Variants in EPM2A observed in about 807,000 individuals in gnomAD.
EPM2A encodes EPM2A glucan phosphatase, laforin.
A neutral mutation model predicts 26.5 loss-of-function variants in EPM2A; 21 were observed. The observed-to-expected ratio is 0.79, with a 90% CI of 0.56 to 1.14. EPM2A has a LOEUF of 1.14. Ranked by LOEUF, EPM2A falls within the 50% of genes most tolerant of loss-of-function variation. The probability of loss-of-function intolerance (pLI) is 0.00; values close to 1 mark genes in which losing one functional copy is unlikely to be tolerated. For missense variants in EPM2A, 458 were observed against 440.8 expected (o/e 1.04, Z -0.35); for synonymous variants, 217 against 177.6 (o/e 1.22, Z -1.76).
At chr6:145,502,626 C>T (rs902697650) in intron 2 of EPM2A, 3 of 469,970 alleles carry the variant, frequency 6.4e-6, no homozygotes, top group Non-Finnish European at 1.3e-5. Context: ...GGCACAGTGC[C>T]AGCCTTGCTC....
chr6:145,429,842 T>G (rs1368608074), intron 4 of EPM2A, among the ~76,000 whole-genome samples: 1 of 152,144 alleles, frequency 6.6e-6, no homozygotes, highest in Non-Finnish European at 1.5e-5. Flanking sequence ...CAGATGAAAA[T>G]CAAATTCCCT....
At chr6:145,623,257 T>C (rs1775675289), downstream of EPM2A, among the ~76,000 whole-genome samples, 1 of 152,216 alleles carries the variant, frequency 6.6e-6, no homozygotes. Context: ...GTAACTTATG[T>C]AATATGTAGG....
chr6:145,401,111 C>T (rs1296626157), intron 4 of EPM2A, among the ~76,000 whole-genome samples: 1 of 151,860 alleles, frequency 6.6e-6, no homozygotes, highest in East Asian at 1.9e-4. Flanking sequence ...AATATATTTC[C>T]ATTATCATTA....
chr6:145,456,654 G>A (rs1442766045), intron 4 of EPM2A, among the ~76,000 whole-genome samples: 1 of 151,850 alleles, frequency 6.6e-6, no homozygotes, highest in Non-Finnish European at 1.5e-5. Flanking sequence ...ACTAAACAGA[G>A]GAAAAAATTA....
intron 4 of EPM2A, among the ~76,000 whole-genome samples, chr6:145,395,100 T>C (rs1778387399): frequency 3.5e-5 from 2 of 57,058 alleles, no homozygotes; most frequent in African/African-American, 1.1e-4. Flanking sequence ...ACAACCCTTC[T>C]CACCTTTAAG....
chr6:145,637,118 T>C (rs1383426925), intron 2 of EPM2A: 1 of 152,192 alleles, frequency 6.6e-6, no homozygotes, highest in Admixed American at 6.5e-5. Flanking sequence ...AAACCGTGGA[T>C]GCACAGTAAG....
At chr6:145,571,942 G>T (rs987450040) in intron 2 of EPM2A, among the ~76,000 whole-genome samples, 1 of 152,136 alleles carries the variant, frequency 6.6e-6, no homozygotes, top group Non-Finnish European at 1.5e-5. Context: ...TCACAGTTTT[G>T]TACCACTCAG....
At chr6:145,463,022 AC>A (rs1779345610) in intron 4 of EPM2A, among the ~76,000 whole-genome samples, 1 of 152,152 alleles carries the variant, frequency 6.6e-6, no homozygotes, top group African/African-American at 2.4e-5. Context: ...TATATAAAAA[AC>A]ATTTTATTTA....
At chr6:145,671,295 G>A (rs1334667885) in intron 2 of EPM2A, 1 of 1,040,208 alleles carries the variant, frequency 9.6e-7, no homozygotes, top group East Asian at 9.0e-5. Context: ...AAATATAGCT[G>A]CTGTAGAGCT....
chr6:145,703,354 G>A (rs1411772666), intron 1 of EPM2A, among the ~76,000 whole-genome samples: 1 of 151,988 alleles, frequency 6.6e-6, no homozygotes, highest in East Asian at 1.9e-4. Context: ...ACCTCCCAAA[G>A]TGCTGGGATT....
chr6:145,654,155 T>G lies in EPM2A; in HGVS notation c.477-18669A>C, dbSNP rs541587649. 6.5e-4 allele frequency among the ~76,000 whole-genome samples: 99 copies of G among 152,118 alleles called. 1 individual carries two copies. The highest frequency in any genetic ancestry group is 2.3e-3 in the African/African-American group (97 of 41,524). On this transcript the variant is annotated intron_variant, in intron 2 of 3. Coordinates refer to ENST00000367519, the MANE Select transcript of EPM2A (RefSeq NM_005670.4). ...TCTATTGATCAAGTGATATATATTA[T>G]TAAGTGTAAATTTTAACATTTTCTA...
downstream of EPM2A, among the ~76,000 whole-genome samples, chr6:145,501,431 A>C (rs189672389): frequency 6.6e-6 from 1 of 152,238 alleles, no homozygotes; most frequent in Admixed American, 6.5e-5. Flanking sequence ...TGTCCCAATT[A>C]ATTATTCTAT....
intron 4 of EPM2A, among the ~76,000 whole-genome samples, chr6:145,443,241 G>C (rs139839754): frequency 1.8e-3 from 272 of 152,234 alleles, no homozygotes; most frequent in African/African-American, 5.9e-3. Flanking sequence ...ATGAACCTTA[G>C]AATACATTTT....
chr6:145,727,215 G>A (rs1438180520), intron 1 of EPM2A, among the ~76,000 whole-genome samples: 3 of 152,036 alleles, frequency 2.0e-5, no homozygotes, highest in Non-Finnish European at 4.4e-5. Context: ...GAAACGAGAA[G>A]ATAAGGACAC....
chr6:145,589,543 C>T (rs974698972), intron 2 of EPM2A, among the ~76,000 whole-genome samples: 2 of 151,548 alleles, frequency 1.3e-5, no homozygotes, highest in Non-Finnish European at 2.9e-5. Context: ...GTAGAGACTA[C>T]AAAACTAAGA....
downstream of EPM2A, among the ~76,000 whole-genome samples, chr6:145,620,782 C>G (rs1015134126): frequency 6.6e-6 from 1 of 152,114 alleles, no homozygotes; most frequent in Non-Finnish European, 1.5e-5. Context: ...ATAGTAATTG[C>G]ATATTGTTCA....
intron 2 of EPM2A, among the ~76,000 whole-genome samples, chr6:145,564,787 G>T (rs979119199): frequency 2.6e-5 from 4 of 151,762 alleles, no homozygotes; most frequent in African/African-American, 9.7e-5. Context: ...GGGGGGCAGG[G>T]GGTGTGGAGG....
At chr6:145,589,329 A>G (rs1358717580) in intron 2 of EPM2A, among the ~76,000 whole-genome samples, 1 of 152,164 alleles carries the variant, frequency 6.6e-6, no homozygotes, top group African/African-American at 2.4e-5. Context: ...TAAAAATAAA[A>G]ATGTTTCCAT....
chr6:145,478,724 T>G (rs1449546949), intron 4 of EPM2A, among the ~76,000 whole-genome samples: 2 of 151,804 alleles, frequency 1.3e-5, no homozygotes, highest in African/African-American at 4.8e-5. Flanking sequence ...TTAGTTGTTA[T>G]AGTTGTTATA....
Sources: gnomAD v4.1 joint callset for allele counts (sites outside exome capture counted in the v4.1 genomes callset) on GRCh38, gnomAD v4.1.1 for gene constraint, MANE v1.5 for transcripts, NCBI Gene and HGNC (gene_info 2026-07-23, HGNC 2026-07-21) for gene names.